Variants in ELOVL6 observed in about 807,000 individuals in gnomAD.
ELOVL6 encodes the protein very long chain fatty acid elongase 6.
In ELOVL6, 8 loss-of-function variants were observed where a neutral mutation model predicts 31.7. That is an observed-to-expected ratio of 0.25 (90% confidence interval 0.15 to 0.45). The LOEUF (loss-of-function observed/expected upper bound fraction) is 0.45. ELOVL6 is among the 20% of genes least tolerant of loss of function. The pLI, the probability that ELOVL6 is intolerant of heterozygous loss-of-function variation, is 1.00. For synonymous variants in ELOVL6, 101 were observed against 117.7 expected, an observed-to-expected ratio of 0.86 and a Z score of 0.92; for missense variants, 126 against 326.4, an observed-to-expected ratio of 0.39 and a Z score of 4.73.
chr4:110,196,246 C>T (rs1759776094), intron 1 of ELOVL6, among the ~76,000 whole-genome samples: 1 of 152,190 alleles, frequency 6.6e-6, no homozygotes. Flanking sequence ...AACCAGGACG[C>T]AGCAAGTCAG....
intron 2 of ELOVL6, among the ~76,000 whole-genome samples, chr4:110,084,761 A>C (rs1025635793): frequency 2.7e-5 from 4 of 150,072 alleles, no homozygotes; most frequent in Non-Finnish European, 4.4e-5. Context: ...CACCTGGCTA[A>C]TTTTTGTGTG....
At chr4:110,138,511 T>C (rs1757868224) in intron 1 of ELOVL6, among the ~76,000 whole-genome samples, 1 of 152,054 alleles carries the variant, frequency 6.6e-6, no homozygotes, top group South Asian at 2.1e-4. Flanking sequence ...AGAGACGGTG[T>C]TAGCAGGTGG....
chr4:110,066,543 A>G (rs1175292020), intron 2 of ELOVL6, among the ~76,000 whole-genome samples: 2 of 150,294 alleles, frequency 1.3e-5, no homozygotes, highest in South Asian at 2.1e-4. Context: ...GGAGGCTGAG[A>G]CAGGAGAATC....
intron 2 of ELOVL6, among the ~76,000 whole-genome samples, chr4:110,084,896 G>T (rs190881276): frequency 8.5e-4 from 129 of 151,896 alleles, no homozygotes; most frequent in African/African-American, 3.0e-3. Flanking sequence ...CCCGGCGTAT[G>T]CTGTGATATA....
chr4:110,069,900 C>A (rs1047476300), intron 2 of ELOVL6, among the ~76,000 whole-genome samples: 1 of 152,126 alleles, frequency 6.6e-6, no homozygotes, highest in African/African-American at 2.4e-5. Context: ...CCTTTGGAGA[C>A]CCCACCGTGC....
intron 1 of ELOVL6, among the ~76,000 whole-genome samples, chr4:110,107,514 C>T (rs1756921401): frequency 1.3e-5 from 2 of 152,060 alleles, no homozygotes; most frequent in African/African-American, 2.4e-5. Flanking sequence ...ATTTTCTTCC[C>T]CCAGAAAGAC....
chr4:110,137,594 A>T (rs1425225216), intron 1 of ELOVL6, among the ~76,000 whole-genome samples: 2 of 152,208 alleles, frequency 1.3e-5, no homozygotes, highest in African/African-American at 4.8e-5. Flanking sequence ...TTCAAAAGGT[A>T]AAAAGCTAAT....
At chr4:110,169,573 T>G (rs376446741) in intron 1 of ELOVL6, among the ~76,000 whole-genome samples, 1 of 151,904 alleles carries the variant, frequency 6.6e-6, no homozygotes, top group Non-Finnish European at 1.5e-5. Context: ...ATAAGTATTA[T>G]TCAGAATTTC....
intron 2 of ELOVL6, among the ~76,000 whole-genome samples, chr4:110,072,687 A>G (rs948469857): frequency 6.6e-6 from 1 of 152,056 alleles, no homozygotes; most frequent in East Asian, 1.9e-4. Flanking sequence ...CCCTGGGAGC[A>G]CTTTTATCTC....
chr4:110,127,657 T>C (rs1340199972), intron 1 of ELOVL6, among the ~76,000 whole-genome samples: 1 of 152,170 alleles, frequency 6.6e-6, no homozygotes, highest in South Asian at 2.1e-4. Context: ...ATTTATTTAA[T>C]AAAACTTTTC....
At chr4:110,130,103 G>A (rs775786738) in intron 1 of ELOVL6, among the ~76,000 whole-genome samples, 2 of 151,712 alleles carry the variant, frequency 1.3e-5, no homozygotes, top group Non-Finnish European at 2.9e-5. Context: ...TCACCATGTT[G>A]GCCAGGATGG....
At chr4:110,072,984 T>C (rs990036967) in intron 2 of ELOVL6, among the ~76,000 whole-genome samples, 4 of 152,206 alleles carry the variant, frequency 2.6e-5, no homozygotes, top group Non-Finnish European at 4.4e-5. Context: ...AATTTTTATA[T>C]ATGTGTATAC....
At chr4:110,089,800 G>A (rs989387235) in intron 2 of ELOVL6, among the ~76,000 whole-genome samples, 3 of 152,156 alleles carry the variant, frequency 2.0e-5, no homozygotes, top group Admixed American at 6.5e-5. Flanking sequence ...GTGCTCCAAC[G>A]GAAAGACCTC....
chr4:110,125,249 C>T (rs2126255343), intron 1 of ELOVL6, among the ~76,000 whole-genome samples: 1 of 152,076 alleles, frequency 6.6e-6, no homozygotes, highest in African/African-American at 2.4e-5. Flanking sequence ...CATTATATAC[C>T]TATAAGCTGA....
chr4:110,164,222 G>GTTCA (rs751419340), intron 1 of ELOVL6, among the ~76,000 whole-genome samples: 1 of 152,142 alleles, frequency 6.6e-6, no homozygotes, highest in Non-Finnish European at 1.5e-5. Flanking sequence ...ATGTGCTCAA[G>GTTCA]TTCACCAAGT....
chr4:110,066,646 A>G (rs1755313858), intron 2 of ELOVL6, among the ~76,000 whole-genome samples: 1 of 149,982 alleles, frequency 6.7e-6, no homozygotes, highest in Non-Finnish European at 1.5e-5. Flanking sequence ...ACAAAAAAAA[A>G]AAAAAAAAAA....
intron 2 of ELOVL6, among the ~76,000 whole-genome samples, chr4:110,088,206 G>C (rs939674334): frequency 2.0e-5 from 3 of 152,164 alleles, no homozygotes; most frequent in Non-Finnish European, 2.9e-5. Flanking sequence ...GCCAAGCACA[G>C]AGCGCTAATT....
chr4:110,198,169 A>T (rs1759875872), intron 1 of ELOVL6, 78 bp downstream of exon 1: 1 of 735,120 alleles, frequency 1.4e-6, no homozygotes. Flanking sequence ...ACGCCCAGGC[A>T]GGGAATACCG....
At chr4:110,091,708 A>G (rs1756432342) in intron 2 of ELOVL6, among the ~76,000 whole-genome samples, 2 of 152,202 alleles carry the variant, frequency 1.3e-5, no homozygotes, top group African/African-American at 4.8e-5. Context: ...CCGCATATCC[A>G]TTGCTAAGTC....
Sources: gnomAD v4.1 joint callset for allele counts (sites outside exome capture counted in the v4.1 genomes callset) on GRCh38, gnomAD v4.1.1 for gene constraint, MANE v1.5 for transcripts, NCBI Gene and HGNC (gene_info 2026-07-23, HGNC 2026-07-21) for gene names.